LRCH1: variants seen among roughly 807,000 people sequenced by gnomAD.
The protein encoded by LRCH1 is leucine rich repeats and calponin homology domain containing 1.
LRCH1 carries 23 observed loss-of-function variants against 94.9 expected under a neutral mutation model. The observed-to-expected ratio is 0.24, with a 90% confidence interval of 0.17 to 0.34. LRCH1 has a LOEUF of 0.34. Among genes scored for constraint, LRCH1 ranks in the 10% least tolerant of loss-of-function variants. The pLI is 1.00. For missense variants in LRCH1, 790 were observed against 945.9 expected, an observed-to-expected ratio of 0.84 and a Z score of 2.16; for synonymous variants, 364 against 354.9, an observed-to-expected ratio of 1.03 and a Z score of -0.29.
At chr13:46,714,690 T>C (rs1166528759) in intron 15 of LRCH1, among the ~76,000 whole-genome samples, 1 of 152,170 alleles carries the variant, frequency 6.6e-6, no homozygotes, top group African/African-American at 2.4e-5. Context: ...ACTATATCCA[T>C]TTATTTTACC....
intron 16 of LRCH1, 74 bp from the exon 17 acceptor site, chr13:46,723,147 T>G: frequency 1.4e-6 from 1 of 728,926 alleles, no homozygotes; most frequent in Non-Finnish European, 2.3e-6. Context: ...ATTAAAATAC[T>G]GTTTGATTTT....
intron 1 of LRCH1, among the ~76,000 whole-genome samples, chr13:46,635,766 C>T (rs570316390): frequency 1.2e-3 from 182 of 152,224 alleles, no homozygotes; most frequent in African/African-American, 4.1e-3. Context: ...CCACCGCACC[C>T]GGCCCCCTCC....
At chr13:46,589,518 T>C (rs2050474431) in intron 1 of LRCH1, among the ~76,000 whole-genome samples, 1 of 152,010 alleles carries the variant, frequency 6.6e-6, no homozygotes, top group African/African-American at 2.4e-5. Flanking sequence ...AGATACACAG[T>C]GCTCATGCAT....
At chr13:46,635,493 C>T (rs772737865) in intron 1 of LRCH1, among the ~76,000 whole-genome samples, 11 of 78,068 alleles carry the variant, frequency 1.4e-4, no homozygotes, top group Middle Eastern at 0.016. Context: ...TTTTTTGAGA[C>T]GGAGTCTCGC....
At chr13:46,573,868 T>TATATATATATATATATATATATATATA (rs1374087114) in intron 1 of LRCH1, among the ~76,000 whole-genome samples, 2 of 40,464 alleles carry the variant, frequency 4.9e-5, no homozygotes, top group African/African-American at 1.7e-4. Context: ...ATATATATAT[T>TATATATATATATATATATATATATATA]TTTTTTTTTT....
intron 4 of LRCH1, 151 bp from the exon 5 acceptor site, chr13:46,685,754 A>C (rs1268381097): frequency 1.3e-5 from 7 of 543,924 alleles, no homozygotes; most frequent in Non-Finnish European, 1.9e-5. Flanking sequence ...ATGTACACAC[A>C]CCATGTATTC....
At position 46,742,335 on chromosome 13, in the gene LRCH1, C is replaced by A; in HGVS notation, c.*487C>A. The A allele has an allele frequency of 1.0e-6, 1 of 1,002,920 alleles. No homozygotes were observed. The highest frequency in any genetic ancestry group is 1.2e-6 in the Non-Finnish European group (1 of 839,956). 62.1% of individuals were successfully genotyped at this position (1,002,920 alleles called of 1,614,324 possible). A position where few individuals can be genotyped will look rare whatever the true frequency, so the allele number is the denominator to read the frequency against. Reference sequence around the variant, plus strand: ...GGAGGACAGAAAACTAACATTTTGGCCCAACTTGATCTATACAAAACTTTA... The same window carrying A: ...GGAGGACAGAAAACTAACATTTTGGACCAACTTGATCTATACAAAACTTTA... On this transcript the variant is annotated 3_prime_UTR_variant, in exon 20 of 20. Coordinates refer to ENST00000389797, the MANE Select transcript of LRCH1 (RefSeq NM_001164211.2).
At chr13:46,684,091 C>A (rs746530453) in intron 4 of LRCH1, among the ~76,000 whole-genome samples, 6 of 152,146 alleles carry the variant, frequency 3.9e-5, no homozygotes, top group Non-Finnish European at 8.8e-5. Context: ...GGTTTTACTA[C>A]AACAACTGCA....
intron 2 of LRCH1, among the ~76,000 whole-genome samples, chr13:46,654,316 A>G (rs1323944358): frequency 1.3e-5 from 2 of 152,244 alleles, no homozygotes; most frequent in Non-Finnish European, 2.9e-5. Context: ...CACAACAACC[A>G]GGGTTAGCCA....
chr13:46,716,902 GT>G (rs11311931), intron 16 of LRCH1, among the ~76,000 whole-genome samples: 56,849 of 149,280 alleles, frequency 0.38, 10,861 homozygotes, highest in African/African-American at 0.44. Context: ...CTTTACTTAA[GT>G]TTTTTTTTTT....
chr13:46,663,708 G>C (rs532731803), intron 2 of LRCH1, among the ~76,000 whole-genome samples: 1 of 152,190 alleles, frequency 6.6e-6, no homozygotes, highest in Non-Finnish European at 1.5e-5. Flanking sequence ...ACTGTAGGTC[G>C]AGTGCCAAGC....
chr13:46,745,886 T>C (rs565250670), downstream of LRCH1, among the ~76,000 whole-genome samples: 1 of 152,246 alleles, frequency 6.6e-6, no homozygotes, highest in African/African-American at 2.4e-5. Context: ...CTCATCCTGT[T>C]CCCAGCAGGT....
At chr13:46,670,224 G>A (rs902729070) in intron 3 of LRCH1, among the ~76,000 whole-genome samples, 26 of 152,220 alleles carry the variant, frequency 1.7e-4, no homozygotes, top group African/African-American at 6.3e-4. Flanking sequence ...TTATTTGATA[G>A]CATTGTCCAA....
intron 1 of LRCH1, among the ~76,000 whole-genome samples, chr13:46,591,976 G>A (rs1474271074): frequency 6.6e-6 from 1 of 152,218 alleles, no homozygotes; most frequent in African/African-American, 2.4e-5. Flanking sequence ...GGCTTCCCTA[G>A]TATCATATGG....
intron 19 of LRCH1, among the ~76,000 whole-genome samples, chr13:46,735,183 T>G (rs1873309343): frequency 6.6e-6 from 1 of 152,276 alleles, no homozygotes; most frequent in Non-Finnish European, 1.5e-5. Context: ...ACTGTCTTTG[T>G]GATCTATTCT....
chr13:46,566,785 G>C (rs982048849), intron 1 of LRCH1, among the ~76,000 whole-genome samples: 45 of 152,150 alleles, frequency 3.0e-4, no homozygotes, highest in Admixed American at 3.3e-4. Context: ...AGATTTTAGA[G>C]TTCATCCCCA....
At chr13:46,642,029 T>C (rs1431163410) in intron 1 of LRCH1, among the ~76,000 whole-genome samples, 1 of 152,224 alleles carries the variant, frequency 6.6e-6, no homozygotes, top group Non-Finnish European at 1.5e-5. Flanking sequence ...AGAGCTGTGG[T>C]GGCCCAGCTC....
At chr13:46,673,708 T>C (rs1365150583) in intron 3 of LRCH1, among the ~76,000 whole-genome samples, 1 of 152,078 alleles carries the variant, frequency 6.6e-6, no homozygotes, top group East Asian at 1.9e-4. Flanking sequence ...GAAATATTTT[T>C]AAATTGTTCA....
At chr13:46,738,175 T>G (rs1274556624) in intron 19 of LRCH1, among the ~76,000 whole-genome samples, 2 of 152,196 alleles carry the variant, frequency 1.3e-5, no homozygotes, top group Non-Finnish European at 2.9e-5. Context: ...AGTGGTAGCC[T>G]CCTTTCAGCT....
Sources: allele counts gnomAD v4.1 joint callset (sites outside exome capture counted in the v4.1 genomes callset), GRCh38; gene constraint gnomAD v4.1.1; transcripts MANE v1.5; gene names NCBI Gene and HGNC (gene_info 2026-07-23, HGNC 2026-07-21).